Variants in SLC16A7 observed in about 807,000 individuals in gnomAD.
SLC16A7 encodes the protein solute carrier family 16 member 7, also known as monocarboxylate transporter 2.
In SLC16A7, 33 loss-of-function variants were observed where a neutral mutation model predicts 34.9. That is an observed-to-expected ratio of 0.94 (90% CI 0.72 to 1.26). The LOEUF (loss-of-function observed/expected upper bound fraction) is 1.26, where lower values mean the gene tolerates loss of function less well. SLC16A7 is among the 50% of genes most tolerant of loss of function. SLC16A7 has a pLI of 0.00. For synonymous variants in SLC16A7, 201 were observed against 206.6 expected (o/e 0.97, Z 0.23); for missense variants, 573 against 578.1 (o/e 0.99, Z 0.09).
At chr12:59,695,203 T>C (rs1296999726) in intron 2 of SLC16A7, among the ~76,000 whole-genome samples, 3 of 152,048 alleles carry the variant, frequency 2.0e-5, no homozygotes, top group African/African-American at 7.2e-5. Context: ...TGCCTTAGGC[T>C]GTCTTCTGAG....
At chr12:59,688,158 TC>T (rs1292762172) in intron 2 of SLC16A7, among the ~76,000 whole-genome samples, 1 of 152,064 alleles carries the variant, frequency 6.6e-6, no homozygotes, top group Non-Finnish European at 1.5e-5. Flanking sequence ...CATTTCCTCC[TC>T]TTCTTTTGAT....
At chr12:59,759,312 G>A (rs1000945471) in intron 3 of SLC16A7, among the ~76,000 whole-genome samples, 2 of 151,932 alleles carry the variant, frequency 1.3e-5, no homozygotes, top group Non-Finnish European at 2.9e-5. Context: ...TATACCATTG[G>A]AAACATTCGA....
chr12:59,726,522 G>A (rs573393678), intron 3 of SLC16A7, among the ~76,000 whole-genome samples: 13 of 152,108 alleles, frequency 8.5e-5, no homozygotes, highest in African/African-American at 2.6e-4. Context: ...TACAATCTTC[G>A]TTTTCTTACT....
At chr12:59,757,996 A>C (rs1880584941) in intron 3 of SLC16A7, among the ~76,000 whole-genome samples, 2 of 152,120 alleles carry the variant, frequency 1.3e-5, no homozygotes, top group Admixed American at 1.3e-4. Context: ...CATTTTAGCT[A>C]TTAGTTATTT....
chr12:59,689,080 T>A (rs373987879), intron 2 of SLC16A7, among the ~76,000 whole-genome samples: 1 of 152,082 alleles, frequency 6.6e-6, no homozygotes, highest in Admixed American at 6.6e-5. Context: ...ATCATACAGG[T>A]TTATATCACT....
In SLC16A7 at chr12:59,783,061, A is replaced by G. The variant is rs1433491057; in HGVS notation, c.*3382A>G. On this transcript the variant is annotated 3_prime_UTR_variant, in exon 6 of 6. Transcript: ENST00000547379. The stretch of plus-strand genomic sequence containing the variant: ...AATCAAGAATATAGAAAAGAAGACT[A>G]AAAGATATATGATATAAATGTAAGT... 1 of 152,214 alleles carries G rather than the reference A, an allele frequency of 6.6e-6. No homozygotes were observed. The highest frequency in any genetic ancestry group is 1.5e-5 in the Non-Finnish European group (1 of 68,036). The allele number at this position is 152,214 out of a possible 1,614,324, so 9.4% of individuals were successfully genotyped here.
chr12:59,768,775 T>C (rs1211985075), intron 3 of SLC16A7, among the ~76,000 whole-genome samples: 1 of 151,994 alleles, frequency 6.6e-6, no homozygotes, highest in Non-Finnish European at 1.5e-5. Flanking sequence ...GGTGGTAGTA[T>C]CACTTGAGCC....
chr12:59,669,760 C>G (rs924605044), intron 2 of SLC16A7, among the ~76,000 whole-genome samples: 11 of 151,646 alleles, frequency 7.3e-5, no homozygotes, highest in Admixed American at 5.9e-4. Flanking sequence ...GTCAGAAAAC[C>G]AAGCTTAAAG....
rs771558437 is a variant in SLC16A7, at chr12:59,779,521, A to G, written c.1279A>G (p.Ile427Val). ...ASVWLLIGNA[I>V]NYRLLAKERK... ...CGTGTGGCTGCTCATTGGCAATGCT[A>G]TCAACTATAGATTGCTTGCAAAGGA... The change falls in exon 6 of 6, where the codon ATC becomes GTC. Residue 427 changes from isoleucine to valine, a missense_variant. Transcript: ENST00000547379. 4.3e-6 allele frequency: 7 copies of G among 1,612,940 alleles called. No homozygotes were observed. The highest frequency in any genetic ancestry group is 1.7e-5 in the Admixed American group (1 of 59,862).
At chr12:59,681,208 A>T (rs953324943) in intron 2 of SLC16A7, among the ~76,000 whole-genome samples, 6 of 152,212 alleles carry the variant, frequency 3.9e-5, no homozygotes, top group African/African-American at 1.2e-4. Flanking sequence ...ATCAGTTCTT[A>T]ATCACCTATC....
chr12:59,641,373 G>T (rs1880678688), intron 1 of SLC16A7, among the ~76,000 whole-genome samples: 1 of 152,034 alleles, frequency 6.6e-6, no homozygotes, highest in South Asian at 2.1e-4. Context: ...TACATGGTAT[G>T]CATTCATTTA....
intron 3 of SLC16A7, among the ~76,000 whole-genome samples, chr12:59,760,196 A>G (rs1257597868): frequency 2.0e-5 from 3 of 152,110 alleles, no homozygotes. Flanking sequence ...ATTTCCAGGA[A>G]TAAATCTAGA....
intron 2 of SLC16A7, among the ~76,000 whole-genome samples, chr12:59,700,900 T>G (rs746765573): frequency 6.6e-6 from 1 of 151,758 alleles, no homozygotes; most frequent in Non-Finnish European, 1.5e-5. Context: ...AGATGACTAA[T>G]CTGAGGCAAG....
chr12:59,636,800 G>A (rs1244110392), intron 1 of SLC16A7, among the ~76,000 whole-genome samples: 1 of 152,146 alleles, frequency 6.6e-6, no homozygotes, highest in Non-Finnish European at 1.5e-5. Flanking sequence ...CTAGTTTTAT[G>A]TAGTGCTGGG....
At chr12:59,623,400 T>TG (rs1565621815) in intron 1 of SLC16A7, among the ~76,000 whole-genome samples, 3 of 151,782 alleles carry the variant, frequency 2.0e-5, no homozygotes, top group African/African-American at 7.2e-5. Context: ...GGCATTTTTA[T>TG]GGTATTGAAG....
chr12:59,675,825 A>G (rs749709248), intron 2 of SLC16A7, among the ~76,000 whole-genome samples: 5 of 152,090 alleles, frequency 3.3e-5, no homozygotes, highest in Non-Finnish European at 5.9e-5. Flanking sequence ...GTTATTTAGC[A>G]CTTCCACTTT....
At chr12:59,751,856 G>C (rs937397910) in intron 3 of SLC16A7, among the ~76,000 whole-genome samples, 1 of 152,132 alleles carries the variant, frequency 6.6e-6, no homozygotes, top group African/African-American at 2.4e-5. Context: ...GAGGCACCCC[G>C]CAGTTGGGGC....
intron 1 of SLC16A7, among the ~76,000 whole-genome samples, chr12:59,598,621 A>G (rs17122676): frequency 0.17 from 26,566 of 152,228 alleles, 3,086 homozygotes; most frequent in East Asian, 0.57. Flanking sequence ...AGGAACCTGT[A>G]TTCAGCCCAT....
At chr12:59,750,561 C>T (rs78114622) in intron 3 of SLC16A7, among the ~76,000 whole-genome samples, 46 of 152,244 alleles carry the variant, frequency 3.0e-4, no homozygotes, top group African/African-American at 1.1e-3. Flanking sequence ...CAGGAAACAA[C>T]AGATGCTGGA....
Sources: gnomAD v4.1 joint callset for allele counts (sites outside exome capture counted in the v4.1 genomes callset) on GRCh38, gnomAD v4.1.1 for gene constraint, MANE v1.5 for transcripts, NCBI Gene and HGNC (gene_info 2026-07-23, HGNC 2026-07-21) for gene names.